Variants in PCNX1 observed in about 807,000 individuals in gnomAD.
PCNX1 encodes pecanex-like protein 1.
In PCNX1, 78 loss-of-function variants were observed where a neutral mutation model predicts 242.2. The observed-to-expected ratio is 0.32, with a 90% confidence interval of 0.27 to 0.39. The LOEUF (loss-of-function observed/expected upper bound fraction) is 0.39, where lower values mean the gene tolerates loss of function less well. PCNX1 is among the 10% of genes least tolerant of loss of function. PCNX1 has a pLI of 1.00. For synonymous variants in PCNX1, 1,024 were observed against 1,032.9 expected (o/e 0.99, Z 0.17); for missense variants, 2,581 against 2,856.5 (o/e 0.90, Z 2.20).
chr14:71,082,249 G>A (rs2141557451), intron 28 of PCNX1, among the ~76,000 whole-genome samples: 1 of 152,184 alleles, frequency 6.6e-6, no homozygotes, highest in Admixed American at 6.5e-5. Context: ...CTGTTCTCTT[G>A]CATTTGCTGA....
intron 7 of PCNX1, among the ~76,000 whole-genome samples, chr14:70,989,795 G>C (rs1268188800): frequency 6.6e-6 from 1 of 152,156 alleles, no homozygotes; most frequent in Non-Finnish European, 1.5e-5. Context: ...GCCTCGCAAA[G>C]TGCTGGAATT....
At chr14:71,056,272 A>G (rs1242871806) in intron 25 of PCNX1, among the ~76,000 whole-genome samples, 1 of 152,202 alleles carries the variant, frequency 6.6e-6, no homozygotes, top group Non-Finnish European at 1.5e-5. Flanking sequence ...ATAAAATTGG[A>G]CTAAGGAGAA....
chr14:71,091,967 C>G (rs892141304), intron 30 of PCNX1, among the ~76,000 whole-genome samples: 2 of 152,150 alleles, frequency 1.3e-5, no homozygotes, highest in Admixed American at 6.5e-5. Context: ...TGTTGCAGTT[C>G]TTGTGTATTT....
intron 24 of PCNX1, among the ~76,000 whole-genome samples, chr14:71,054,645 TC>T (rs1305823797): frequency 6.6e-6 from 1 of 152,098 alleles, no homozygotes; most frequent in African/African-American, 2.4e-5. Flanking sequence ...AAAATGGTGT[TC>T]CAAGAAAAAA....
intron 30 of PCNX1, among the ~76,000 whole-genome samples, chr14:71,101,745 G>T (rs1420986702): frequency 2.0e-5 from 3 of 152,062 alleles, no homozygotes; most frequent in African/African-American, 7.2e-5. Context: ...AACCAGAAAT[G>T]ATGTTTATTC....
In PCNX1 at chr14:71,108,652, C is replaced by G. The variant is rs766974545; in HGVS notation, c.6350C>G (p.Ser2117Cys). Residue 2117 changes from serine to cysteine, a missense_variant, in exon 34 of 36, where the codon TCT (serine) becomes TGT (cysteine). Physicochemically the swap from Ser to Cys is moderately radical, Grantham distance 112. Transcript: ENST00000304743. The stretch of plus-strand genomic sequence containing the variant: ...GTGCAGTCGGGCCTGGTCAGACAGT[C>G]TCCTGCCCGGGCCTCAGTAGCCAGC... ...HSVQSGLVRQ[S>C]PARASVASQS... 2.4e-5 allele frequency: 39 copies of G among 1,614,048 alleles called. No homozygotes were observed. Among genetic ancestry groups the G allele is most frequent in the Non-Finnish European group, 3.2e-5 (38 of 1,180,030 alleles).
At chr14:71,054,252 CTT>C (rs546504167) in intron 24 of PCNX1, among the ~76,000 whole-genome samples, 221 of 152,280 alleles carry the variant, frequency 1.5e-3, no homozygotes, top group Non-Finnish European at 2.8e-3. Context: ...ACTCATCTGT[CTT>C]ATATCCTGAA....
At chr14:71,005,921 C>CTTT (rs372502839) in intron 8 of PCNX1, among the ~76,000 whole-genome samples, 1 of 134,888 alleles carries the variant, frequency 7.4e-6, no homozygotes, top group Non-Finnish European at 1.6e-5. Context: ...GGTATCTTAA[C>CTTT]TTTTTTTTTT....
At position 71,108,877 on chromosome 14, in the gene PCNX1, C is replaced by A; in HGVS notation, c.6575C>A (p.Ser2192Tyr). The A allele has an allele frequency of 6.2e-7, 1 of 1,614,234 alleles. No individual in the cohort carries two copies. The highest frequency in any genetic ancestry group is 8.5e-7 in the Non-Finnish European group (1 of 1,180,046). ...GCCTGTGTGCAGCACGGCCTGCCTT[C>A]CTCCAGCAGCTCCAGCCAAAGCATC... ...GLACVQHGLP[S>Y]SSSSSQSIPA... Residue 2192 changes from serine to tyrosine, a missense_variant, in exon 34 of 36, where the codon TCC becomes TAC. Physicochemically the swap from Ser to Tyr is moderately radical, Grantham distance 144. Transcript: ENST00000304743.
chr14:71,101,433 A>C (rs2062457670), intron 30 of PCNX1, among the ~76,000 whole-genome samples: 1 of 152,204 alleles, frequency 6.6e-6, no homozygotes, highest in African/African-American at 2.4e-5. Context: ...TAAGACCAAG[A>C]TACTTTTCAG....
chr14:70,921,895 A>G (rs1230135401), intron 1 of PCNX1, among the ~76,000 whole-genome samples: 1 of 152,178 alleles, frequency 6.6e-6, no homozygotes, highest in Non-Finnish European at 1.5e-5. Flanking sequence ...GCTTCAGGCA[A>G]TATTTTTAAT....
At position 71,000,566 on chromosome 14, in the gene PCNX1, G is replaced by T. The variant is rs143581942; in HGVS notation, c.2629+4641G>T. 9.3e-3 allele frequency among the ~76,000 whole-genome samples: 1,258 copies of T among 134,962 alleles called. 24 individuals are homozygous for T. The highest frequency in any genetic ancestry group is 0.033 in the African/African-American group (1,184 of 35,418). The allele number at this position is 134,962 out of a possible 152,430, so 88.5% of individuals were successfully genotyped here. ...TTTTTTGACGGAGTCTCACTTTGTC[G>T]CCCAGGCTGGAGTGCAGTGGTGCAA... On this transcript the variant is annotated intron_variant, in intron 8 of 35. Coordinates refer to ENST00000304743, the MANE Select transcript of PCNX1 (RefSeq NM_014982.3).
chr14:70,977,564 C>A lies in PCNX1; in HGVS notation c.1227C>A (p.His409Gln). The A allele has an allele frequency of 6.2e-7, 1 of 1,614,172 alleles. No homozygotes were observed. Among genetic ancestry groups the A allele is most frequent in the Non-Finnish European group, 8.5e-7 (1 of 1,180,042 alleles). ...AAAGTGAGCAGACCAGCTCAACTCA[C>A]ATAGAGAGCATCCTGTCAGAGCATG... The part of the protein sequence containing the change: ...SYKSEQTSST[H>Q]IESILSEHEE... The change falls in exon 6 of 36, where the codon CAC becomes CAA. Residue 409 changes from histidine (H) to glutamine (Q), a missense_variant. Physicochemically the swap from His to Gln is conservative, Grantham distance 24. Around this residue, in one of 9 missense-constraint regions of PCNX1, gnomAD observed 1,204 missense variants for 1,216.7 expected, o/e 0.99. Transcript: ENST00000304743.
chr14:71,025,604 A>G (rs949215536), intron 13 of PCNX1, among the ~76,000 whole-genome samples: 1 of 152,118 alleles, frequency 6.6e-6, no homozygotes, highest in African/African-American at 2.4e-5. Context: ...TCCTATATCT[A>G]TTTATATGCA....
intron 1 of PCNX1, among the ~76,000 whole-genome samples, chr14:70,935,259 A>C (rs188448198): frequency 6.6e-6 from 1 of 152,294 alleles, no homozygotes; most frequent in African/African-American, 2.4e-5. Flanking sequence ...TAAAAAAGAA[A>C]TTCTGAGCTG....
At chr14:71,003,080 CTTTTTTTT>C (rs3083307) in intron 8 of PCNX1, among the ~76,000 whole-genome samples, 1 of 95,474 alleles carries the variant, frequency 1.0e-5, no homozygotes, top group Non-Finnish European at 1.9e-5. Flanking sequence ...TGGTTGTCTT[CTTTTTTTT>C]TTTTTTTTTT....
chr14:71,068,951 C>G (rs1012265905), intron 26 of PCNX1, among the ~76,000 whole-genome samples: 1 of 152,044 alleles, frequency 6.6e-6, no homozygotes, highest in East Asian at 1.9e-4. Flanking sequence ...TCTGTTCTCA[C>G]ACTGCTGATA....
At chr14:71,042,998 A>G (rs2060753309) in intron 19 of PCNX1, among the ~76,000 whole-genome samples, 2 of 100,536 alleles carry the variant, frequency 2.0e-5, no homozygotes, top group South Asian at 5.6e-4. Context: ...GTGGTAATAA[A>G]TTCCTTAGTC....
At position 71,037,854 on chromosome 14, in the gene PCNX1, T is replaced by A. The variant is rs867754613; in HGVS notation, c.3867+1697T>A. Among the ~76,000 whole-genome samples the A allele has an allele frequency of 8.8e-3, 1,288 of 146,880 alleles. 3 individuals are homozygous for A. The highest frequency in any genetic ancestry group is 0.017 in the South Asian group (76 of 4,462). On this transcript the variant is annotated intron_variant, in intron 19 of 35. Coordinates refer to ENST00000304743, the MANE Select transcript of PCNX1 (RefSeq NM_014982.3). ...CAAGGCTACAGTAACCAAAACAGCA[T>A]GGTACTGGTACCAAAACAGAGATAT... is the stretch of plus-strand genomic sequence containing the variant.
Sources: allele counts gnomAD v4.1 joint callset (sites outside exome capture counted in the v4.1 genomes callset), GRCh38; gene constraint gnomAD v4.1.1; regional missense constraint gnomAD v4.1.1; transcripts MANE v1.5; gene names NCBI Gene and HGNC (gene_info 2026-07-23, HGNC 2026-07-21).